Variants in GALNTL6 observed in about 807,000 individuals in gnomAD.
GALNTL6 encodes polypeptide N-acetylgalactosaminyltransferase like 6.
In GALNTL6, 46 loss-of-function variants were observed where a neutral mutation model predicts 73.7. The observed-to-expected ratio is 0.62, with a 90% CI of 0.49 to 0.80. GALNTL6 has a LOEUF of 0.80. Ranked by LOEUF, GALNTL6 falls within the 30% of genes least tolerant of loss-of-function variation. The pLI, the probability that GALNTL6 is intolerant of heterozygous loss-of-function variation, is 0.00. For missense variants in GALNTL6, 604 were observed against 755.0 expected, an observed-to-expected ratio of 0.80 and a Z score of 2.34; for synonymous variants, 259 against 263.7, an observed-to-expected ratio of 0.98 and a Z score of 0.17.
chr4:172,351,183 C>CTGTA (rs528746102), intron 5 of GALNTL6, among the ~76,000 whole-genome samples: 5 of 131,440 alleles, frequency 3.8e-5, no homozygotes. Flanking sequence ...AATAATCTGT[C>CTGTA]TATCTATCTA....
intron 3 of GALNTL6, among the ~76,000 whole-genome samples, chr4:172,244,469 CATA>C (rs1280256206): frequency 6.6e-6 from 1 of 152,094 alleles, no homozygotes; most frequent in Non-Finnish European, 1.5e-5. Context: ...TTGCAAAACT[CATA>C]ATATCTCTCT....
chr4:172,672,909 T>A (rs921943445), intron 5 of GALNTL6, among the ~76,000 whole-genome samples: 16 of 152,194 alleles, frequency 1.1e-4, no homozygotes, highest in African/African-American at 3.9e-4. Context: ...TTGAATCTTC[T>A]CTATTTTCTT....
intron 5 of GALNTL6, among the ~76,000 whole-genome samples, chr4:172,494,658 A>C (rs1734010897): frequency 6.6e-6 from 1 of 152,218 alleles, no homozygotes. Flanking sequence ...CCAAAAGCCC[A>C]AGAGCTCCTG....
intron 2 of GALNTL6, among the ~76,000 whole-genome samples, chr4:171,885,584 T>C (rs1055321061): frequency 6.6e-6 from 1 of 152,162 alleles, no homozygotes; most frequent in Non-Finnish European, 1.5e-5. Context: ...AGCAGGAGGA[T>C]TGCTTGAGCC....
At chr4:172,556,206 A>G (rs1040790349) in intron 5 of GALNTL6, among the ~76,000 whole-genome samples, 20 of 152,192 alleles carry the variant, frequency 1.3e-4, no homozygotes, top group Middle Eastern at 3.4e-3. Flanking sequence ...AGACCTGAGT[A>G]CAAAATATCT....
chr4:172,952,609 A>C (rs755797439), intron 10 of GALNTL6, among the ~76,000 whole-genome samples: 1 of 151,080 alleles, frequency 6.6e-6, no homozygotes, highest in Non-Finnish European at 1.5e-5. Flanking sequence ...TCCACTTCCC[A>C]GGTTCAAACG....
intron 10 of GALNTL6, among the ~76,000 whole-genome samples, chr4:172,995,506 G>T (rs1393100493): frequency 1.3e-5 from 2 of 152,134 alleles, no homozygotes; most frequent in African/African-American, 2.4e-5. Context: ...TGCTATTCCC[G>T]TAGATTCTTT....
At chr4:172,402,660 G>A (rs1047154984) in intron 5 of GALNTL6, among the ~76,000 whole-genome samples, 5 of 151,752 alleles carry the variant, frequency 3.3e-5, no homozygotes, top group African/African-American at 4.8e-5. Context: ...TTTTTTGGAC[G>A]AATCTTGTGA....
chr4:172,271,958 TA>T (rs202069380), intron 3 of GALNTL6, among the ~76,000 whole-genome samples: 2,775 of 150,442 alleles, frequency 0.018, 92 homozygotes, highest in African/African-American at 0.065. Flanking sequence ...TATATATATA[TA>T]TTTTTTTTTA....
intron 3 of GALNTL6, among the ~76,000 whole-genome samples, chr4:172,291,267 T>C (rs980414760): frequency 3.3e-5 from 5 of 152,026 alleles, no homozygotes; most frequent in African/African-American, 2.4e-5. Flanking sequence ...TCCCAAAACA[T>C]AAATTTTCCC....
rs147251227 is a variant in GALNTL6 at position 172,188,318 on chromosome 4, G to T, written c.139-41338G>T. Reference sequence around the variant, plus strand: ...ATGAAATACAAAAGGGAAAATATTTGCAAAAGGCAGGTTCACTAATATTTG... The same window carrying T: ...ATGAAATACAAAAGGGAAAATATTTTCAAAAGGCAGGTTCACTAATATTTG... On this transcript the variant is annotated intron_variant, in intron 2 of 12. Coordinates refer to ENST00000506823, the MANE Select transcript of GALNTL6 (RefSeq NM_001034845.3). Among the ~76,000 whole-genome samples, 633 of 152,250 alleles carry T rather than the reference G, an allele frequency of 4.2e-3. 3 individuals carry two copies. Among genetic ancestry groups the T allele is most frequent in the African/African-American group, 0.014 (591 of 41,540 alleles).
intron 3 of GALNTL6, among the ~76,000 whole-genome samples, chr4:172,244,524 AT>A (rs1169470195): frequency 6.6e-6 from 1 of 152,104 alleles, no homozygotes; most frequent in Non-Finnish European, 1.5e-5. Flanking sequence ...GCATAAGATT[AT>A]TTTTCCCAGT....
chr4:172,487,342 CTTTCTTTCT>C lies in GALNTL6; in HGVS notation c.553+138656_553+138664del, dbSNP rs1733722880. 3.2e-5 allele frequency among the ~76,000 whole-genome samples: 4 copies of C among 126,968 alleles called. No homozygotes were observed. In the Admixed American group the frequency reaches 3.5e-4, roughly 11 times the overall value. The allele number at this position is 126,968 out of a possible 152,430, so 83.3% of individuals were successfully genotyped here. On this transcript the variant is annotated intron_variant, in intron 5 of 12. Transcript: ENST00000506823. ...TCTTTCTTTCTTTCTTTCTTTCTTTCTTTCTTTCTTTCTTTCCTTCTTTCCTTCTTTTCT... is the reference window on the plus strand; with the variant it reads ...TCTTTCTTTCTTTCTTTCTTTCTTTCTTCTTTCCTTCTTTCCTTCTTTTCT...
chr4:172,206,963 A>T (rs367836391), intron 2 of GALNTL6, among the ~76,000 whole-genome samples: 19 of 150,454 alleles, frequency 1.3e-4, no homozygotes, highest in Non-Finnish European at 1.5e-4. Context: ...GACTACAGGC[A>T]CCCACCACCA....
At chr4:171,969,882 G>T (rs1225233665) in intron 2 of GALNTL6, among the ~76,000 whole-genome samples, 2 of 151,528 alleles carry the variant, frequency 1.3e-5, no homozygotes, top group Non-Finnish European at 2.9e-5. Flanking sequence ...TGATTCTCAT[G>T]CCTCAGCCTC....
chr4:173,017,286 G>C (rs1752821127), intron 11 of GALNTL6, among the ~76,000 whole-genome samples: 1 of 152,094 alleles, frequency 6.6e-6, no homozygotes, highest in Admixed American at 6.5e-5. Context: ...TAACACTGAG[G>C]AATTTAAGGT....
At chr4:172,126,376 G>T (rs759060686) in intron 2 of GALNTL6, among the ~76,000 whole-genome samples, 1 of 152,056 alleles carries the variant, frequency 6.6e-6, no homozygotes, top group Non-Finnish European at 1.5e-5. Context: ...ACAGGCATCC[G>T]GTACTTGCCT....
chr4:171,843,216 T>C (rs1004951648), intron 2 of GALNTL6, among the ~76,000 whole-genome samples: 1 of 152,126 alleles, frequency 6.6e-6, no homozygotes, highest in Non-Finnish European at 1.5e-5. Flanking sequence ...CACTTTATGA[T>C]ACTACAATGA....
At chr4:172,912,142 T>G (rs1474158459) in intron 8 of GALNTL6, among the ~76,000 whole-genome samples, 1 of 152,152 alleles carries the variant, frequency 6.6e-6, no homozygotes, top group Non-Finnish European at 1.5e-5. Context: ...ATAAAACACC[T>G]CTTCATATAG....
Sources: allele counts gnomAD v4.1 joint callset (sites outside exome capture counted in the v4.1 genomes callset), GRCh38; gene constraint gnomAD v4.1.1; transcripts MANE v1.5; gene names NCBI Gene and HGNC (gene_info 2026-07-23, HGNC 2026-07-21).